Variants in ENTPD1 observed in about 807,000 individuals in gnomAD.
ENTPD1 encodes the protein ectonucleoside triphosphate diphosphohydrolase 1, also known as ATP diphosphohydrolase.
ENTPD1 carries 33 observed loss-of-function variants against 57.0 expected under a neutral mutation model. The observed-to-expected ratio is 0.58, with a 90% CI of 0.44 to 0.77. The LOEUF (loss-of-function observed/expected upper bound fraction) is 0.77, where lower values mean the gene tolerates loss of function less well. Among genes scored for constraint, ENTPD1 ranks in the 30% least tolerant of loss-of-function variants. ENTPD1 has a pLI of 0.00. For missense variants in ENTPD1, 501 were observed against 603.4 expected, an observed-to-expected ratio of 0.83 and a Z score of 1.78; for synonymous variants, 202 against 218.8, an observed-to-expected ratio of 0.92 and a Z score of 0.68.
rs369589279 is a variant in ENTPD1, at chr10:95,795,714, A to T, written c.17-27523A>T. ...TTCCCCAGGTCATGCAGCTAGTAAG[A>T]GGCAGGGTTGAGATCCCATTTCATA... On this transcript the variant is annotated intron_variant, in intron 1 of 9. Coordinates refer to ENST00000371205, the MANE Select transcript of ENTPD1 (RefSeq NM_001776.6). Among the ~76,000 whole-genome samples the T allele has an allele frequency of 4.7e-4, 71 of 152,318 alleles. No individual in the cohort carries two copies. In the South Asian group the frequency reaches 9.3e-3, roughly 20 times the overall value.
At chr10:95,742,212 G>C (rs1280191507) in intron 1 of ENTPD1, among the ~76,000 whole-genome samples, 1 of 152,198 alleles carries the variant, frequency 6.6e-6, no homozygotes, top group African/African-American at 2.4e-5. Flanking sequence ...TGCTTGGCAA[G>C]TATTAATACA....
chr10:95,768,426 G>A (rs1363529458), intron 1 of ENTPD1, among the ~76,000 whole-genome samples: 1 of 151,808 alleles, frequency 6.6e-6, no homozygotes, highest in East Asian at 1.9e-4. Context: ...TTGCCTGCCT[G>A]TGGCCTGCCT....
chr10:95,864,548 C>G (rs1352489200), intron 8 of ENTPD1, among the ~76,000 whole-genome samples, 176 bp from the exon 9 acceptor site: 1 of 152,162 alleles, frequency 6.6e-6, no homozygotes, highest in Non-Finnish European at 1.5e-5. Flanking sequence ...AACTATAAAA[C>G]CCTGCTCCCA....
intron 1 of ENTPD1, among the ~76,000 whole-genome samples, chr10:95,739,555 C>T (rs2097998091): frequency 6.6e-6 from 1 of 152,196 alleles, no homozygotes; most frequent in Non-Finnish European, 1.5e-5. Context: ...TGTAGCAACT[C>T]AGTCACATAT....
chr10:95,696,586 G>A, the ENTPD1 span, among the ~76,000 whole-genome samples: 2,384 of 152,226 alleles, frequency 0.016, 61 homozygotes, highest in African/African-American at 0.055. Context: ...GGCATGTATT[G>A]CTGTTTTGTA....
intron 1 of ENTPD1, among the ~76,000 whole-genome samples, chr10:95,818,470 G>A (rs2098337515): frequency 6.6e-6 from 1 of 152,258 alleles, no homozygotes; most frequent in African/African-American, 2.4e-5. Context: ...AACGTCAATT[G>A]TGGAAGATTT....
upstream of ENTPD1, among the ~76,000 whole-genome samples, chr10:95,707,473 C>T (rs193187223): frequency 3.1e-3 from 466 of 152,292 alleles, 5 homozygotes; most frequent in African/African-American, 9.1e-3. Context: ...TGGTAGCATC[C>T]GCTGCCATCA....
chr10:95,724,812 A>T (rs1013088199), intron 1 of ENTPD1, among the ~76,000 whole-genome samples: 4 of 152,214 alleles, frequency 2.6e-5, no homozygotes, highest in African/African-American at 9.6e-5. Flanking sequence ...CAGTTGCAAG[A>T]TTTAATAGAG....
Position 95,869,153 on chromosome 10 carries a change from T to C in ENTPD1, c.*2770T>C. 1 of 985,158 alleles carries C rather than the reference T, an allele frequency of 1.0e-6. No individual in the cohort carries two copies. Among genetic ancestry groups the C allele is most frequent in the Non-Finnish European group, 1.2e-6 (1 of 829,880 alleles). The allele number at this position is 985,158 out of a possible 1,614,324, so 61.0% of individuals were successfully genotyped here. A position where few individuals can be genotyped will look rare whatever the true frequency, so the allele number is the denominator to read the frequency against. ...TGGTTCTGCTAACCCTGTTCCTTTA[T>C]GAGGAACCTTTTAAAGATTCCTTTA... On this transcript the variant is annotated 3_prime_UTR_variant, in exon 10 of 10. Transcript: ENST00000371205.
At chr10:95,694,533 A>G in the ENTPD1 span, among the ~76,000 whole-genome samples, 1 of 152,102 alleles carries the variant, frequency 6.6e-6, no homozygotes. Flanking sequence ...GATGGACTGC[A>G]TGTTTGTTGT....
At position 95,869,564 on chromosome 10, in the gene ENTPD1, C is replaced by A; in HGVS notation, c.*3181C>A. On this transcript the variant is annotated 3_prime_UTR_variant, in exon 10 of 10. Transcript: ENST00000371205. ...CATGCCTGGCCAGAAGTGGTTACTTCTGTAGACAAAAGAATAATGCTACTT... is the reference window on the plus strand; with the variant it reads ...CATGCCTGGCCAGAAGTGGTTACTTATGTAGACAAAAGAATAATGCTACTT... The A allele has an allele frequency of 1.0e-6, 1 of 985,152 alleles. No individual in the cohort carries two copies. Among genetic ancestry groups the A allele is most frequent in the Non-Finnish European group, 1.2e-6 (1 of 829,874 alleles). 61.0% of individuals were successfully genotyped at this position (985,152 alleles called of 1,614,324 possible). A position where few individuals can be genotyped will look rare whatever the true frequency, so the allele number is the denominator to read the frequency against.
intron 1 of ENTPD1, among the ~76,000 whole-genome samples, chr10:95,734,836 G>T (rs1374457954): frequency 6.6e-6 from 1 of 152,170 alleles, no homozygotes; most frequent in African/African-American, 2.4e-5. Context: ...GGCACACAGG[G>T]TGAAGATCCC....
chr10:95,734,421 G>A (rs1043040443), intron 1 of ENTPD1, among the ~76,000 whole-genome samples: 11 of 152,200 alleles, frequency 7.2e-5, no homozygotes, highest in Admixed American at 4.6e-4. Context: ...GACAAAAAGG[G>A]CAGAATATGG....
chr10:95,777,998 G>C (rs1285316291), intron 1 of ENTPD1, among the ~76,000 whole-genome samples: 1 of 152,198 alleles, frequency 6.6e-6, no homozygotes, highest in East Asian at 1.9e-4. Flanking sequence ...GAAACTGTTG[G>C]AAAAGCACAG....
At chr10:95,775,841 T>C (rs2098131763) in intron 1 of ENTPD1, among the ~76,000 whole-genome samples, 1 of 152,206 alleles carries the variant, frequency 6.6e-6, no homozygotes, top group Admixed American at 6.5e-5. Flanking sequence ...GGTGCATATA[T>C]ATTTAGGATA....
intron 2 of ENTPD1, among the ~76,000 whole-genome samples, chr10:95,824,862 G>A (rs1180003576): frequency 2.0e-5 from 3 of 152,180 alleles, no homozygotes; most frequent in Non-Finnish European, 4.4e-5. Flanking sequence ...TTAAATAAAA[G>A]GTAGGAGTAT....
At chr10:95,845,857 G>T (rs370853511) in intron 6 of ENTPD1, 3 of 533,686 alleles carry the variant, frequency 5.6e-6, no homozygotes, top group Middle Eastern at 3.9e-4. Context: ...TCTCCCCCTC[G>T]TGGGGTTGAT....
At chr10:95,769,206 T>TGGA (rs2098104637) in intron 1 of ENTPD1, among the ~76,000 whole-genome samples, 2 of 152,216 alleles carry the variant, frequency 1.3e-5, no homozygotes, top group South Asian at 2.1e-4. Flanking sequence ...ATAAAGGCAT[T>TGGA]CAGGAAGGAG....
chr10:95,872,220 C>G lies in ENTPD1; in HGVS notation c.*5837C>G, dbSNP rs1332621228. 3 of 985,322 alleles carry G rather than the reference C, an allele frequency of 3.0e-6. No homozygotes were observed. The highest frequency in any genetic ancestry group is 3.6e-6 in the Non-Finnish European group (3 of 829,944). The allele number at this position is 985,322 out of a possible 1,614,324, so 61.0% of individuals were successfully genotyped here. A position where few individuals can be genotyped will look rare whatever the true frequency, so the allele number is the denominator to read the frequency against. ...TAGATTAATCTTTGCAAAGCACAGG[C>G]TTAATTTCATTGCTGCTCAACTAAA... is the stretch of plus-strand genomic sequence containing the variant. On this transcript the variant is annotated 3_prime_UTR_variant, in exon 10 of 10. Transcript: ENST00000371205.
Sources: allele counts gnomAD v4.1 joint callset (sites outside exome capture counted in the v4.1 genomes callset), GRCh38; gene constraint gnomAD v4.1.1; transcripts MANE v1.5; gene names NCBI Gene and HGNC (gene_info 2026-07-23, HGNC 2026-07-21).